The following EYA2 variants were observed in gnomAD, a reference collection of about 807,000 sequenced individuals.
EYA2 encodes the protein EYA transcriptional coactivator and phosphatase 2, also known as protein phosphatase EYA2.
Under a neutral mutation model 69.2 loss-of-function variants are expected in EYA2, and 31 were observed. The ratio of observed to expected loss-of-function variants is 0.45; its 90% CI spans 0.34 to 0.60. The LOEUF (loss-of-function observed/expected upper bound fraction) is 0.60. EYA2 is among the 20% of genes least tolerant of loss of function. The pLI is 0.02. For synonymous variants in EYA2, 257 were observed against 279.4 expected, an observed-to-expected ratio of 0.92 and a Z score of 0.80; for missense variants, 622 against 701.2, an observed-to-expected ratio of 0.89 and a Z score of 1.28.
intron 12 of EYA2, among the ~76,000 whole-genome samples, chr20:47,176,149 G>A (rs914278475): frequency 4.1e-5 from 6 of 145,988 alleles, no homozygotes; most frequent in East Asian, 4.0e-4. Flanking sequence ...GCATGATCTC[G>A]GCTCACTGCA....
chr20:46,948,109 C>CAA (rs72010207), intron 1 of EYA2, among the ~76,000 whole-genome samples: 46,614 of 133,580 alleles, frequency 0.35, 8,808 homozygotes, highest in Non-Finnish European at 0.43. Flanking sequence ...GACCTTGTCT[C>CAA]AAAAAAAAAA....
chr20:47,148,084 A>T (rs1263071944), intron 10 of EYA2, among the ~76,000 whole-genome samples: 1 of 152,008 alleles, frequency 6.6e-6, no homozygotes. Context: ...GAATAAAAAA[A>T]AATGGTCCGG....
chr20:47,126,216 G>A (rs554235356), intron 9 of EYA2, among the ~76,000 whole-genome samples: 165 of 152,310 alleles, frequency 1.1e-3, no homozygotes, highest in Non-Finnish European at 1.4e-3. Context: ...CCTTCCCTTC[G>A]CGTGGCACCT....
chr20:46,976,809 G>A (rs1007809216), intron 1 of EYA2, among the ~76,000 whole-genome samples: 2 of 152,172 alleles, frequency 1.3e-5, no homozygotes, highest in African/African-American at 2.4e-5. Context: ...ACATGCAAAC[G>A]GGTTTTTCAG....
intron 11 of EYA2, among the ~76,000 whole-genome samples, chr20:47,172,241 C>T (rs1342653361): frequency 1.3e-5 from 2 of 151,982 alleles, no homozygotes; most frequent in Non-Finnish European, 2.9e-5. Flanking sequence ...CAAGAACAGC[C>T]CAGGCAACAT....
At chr20:47,172,026 G>A (rs1270375206) in intron 11 of EYA2, among the ~76,000 whole-genome samples, 3 of 151,972 alleles carry the variant, frequency 2.0e-5, no homozygotes, top group Non-Finnish European at 2.9e-5. Flanking sequence ...TTGAACCTGG[G>A]AGGCAGAGGT....
At chr20:47,142,380 G>A (rs761310963) in intron 9 of EYA2, among the ~76,000 whole-genome samples, 4 of 152,230 alleles carry the variant, frequency 2.6e-5, no homozygotes, top group Admixed American at 2.0e-4. Flanking sequence ...AAATTCATAC[G>A]TTATGCTGTG....
At chr20:47,084,482 AG>A (rs2031829327) in intron 7 of EYA2, among the ~76,000 whole-genome samples, 1 of 152,166 alleles carries the variant, frequency 6.6e-6, no homozygotes, top group Non-Finnish European at 1.5e-5. Context: ...TCAACATTGC[AG>A]GGAGCTGTAA....
chr20:47,014,519 G>A (rs151188928), intron 4 of EYA2, among the ~76,000 whole-genome samples: 3 of 152,134 alleles, frequency 2.0e-5, no homozygotes, highest in African/African-American at 7.2e-5. Flanking sequence ...ACAATCTAGG[G>A]AGCACCATTC....
rs762679834 is a variant in EYA2 at position 46,902,336 on chromosome 20, T to A, written c.-11+7349T>A. 5.3e-5 allele frequency among the ~76,000 whole-genome samples: 8 copies of A among 152,272 alleles called. 1 individual carries two copies. Among genetic ancestry groups the A allele is most frequent in the South Asian group, 4.1e-4 (2 of 4,832 alleles). Reference sequence around the variant, plus strand: ...AATCACAGGTTTTATTGAACACTTATTATTTATTGAATATTTATTATGTCC... The same window carrying A: ...AATCACAGGTTTTATTGAACACTTAATATTTATTGAATATTTATTATGTCC... On this transcript the variant is annotated intron_variant, in intron 1 of 15. Coordinates refer to ENST00000327619, the MANE Select transcript of EYA2 (RefSeq NM_005244.5).
intron 4 of EYA2, among the ~76,000 whole-genome samples, chr20:47,014,644 G>A (rs1983294681): frequency 1.3e-5 from 2 of 151,322 alleles, no homozygotes; most frequent in East Asian, 1.9e-4. Flanking sequence ...GTGTGTGTGT[G>A]TGTGTGTGTG....
At chr20:46,927,981 A>T (rs1985490788) in intron 1 of EYA2, among the ~76,000 whole-genome samples, 1 of 152,208 alleles carries the variant, frequency 6.6e-6, no homozygotes, top group Non-Finnish European at 1.5e-5. Flanking sequence ...ATAATAACAG[A>T]TAATACTCAT....
chr20:46,981,007 G>A (rs1980799384), intron 1 of EYA2, among the ~76,000 whole-genome samples: 1 of 152,102 alleles, frequency 6.6e-6, no homozygotes, highest in South Asian at 2.1e-4. Flanking sequence ...TCCATCAATT[G>A]GTGGAGTGCG....
chr20:47,164,178 G>C (rs762199258), intron 10 of EYA2, among the ~76,000 whole-genome samples: 1 of 152,148 alleles, frequency 6.6e-6, no homozygotes, highest in Non-Finnish European at 1.5e-5. Flanking sequence ...CCCCATCCTC[G>C]TGGCCTCTGC....
chr20:47,083,118 G>A (rs919365609), intron 7 of EYA2, among the ~76,000 whole-genome samples: 4 of 151,874 alleles, frequency 2.6e-5, no homozygotes, highest in African/African-American at 9.7e-5. Flanking sequence ...TTCAGCCAGG[G>A]GTTTGAGGAT....
intron 5 of EYA2, among the ~76,000 whole-genome samples, chr20:47,059,397 C>G (rs1320899996): frequency 6.6e-6 from 1 of 152,186 alleles, no homozygotes; most frequent in African/African-American, 2.4e-5. Context: ...CTCTGTCTCC[C>G]AGGCTGGAGT....
chr20:47,185,704 C>G (rs186325869), intron 15 of EYA2, among the ~76,000 whole-genome samples: 1 of 152,208 alleles, frequency 6.6e-6, no homozygotes, highest in East Asian at 1.9e-4. Flanking sequence ...GGTGGGAATG[C>G]TAGGGCAGTG....
intron 9 of EYA2, among the ~76,000 whole-genome samples, chr20:47,100,155 T>C (rs574921874): frequency 6.6e-6 from 1 of 152,302 alleles, no homozygotes; most frequent in East Asian, 1.9e-4. Flanking sequence ...AAACAGAAAT[T>C]TTTAACTGGT....
At chr20:47,124,179 G>T (rs535010073) in intron 9 of EYA2, among the ~76,000 whole-genome samples, 1 of 152,286 alleles carries the variant, frequency 6.6e-6, no homozygotes, top group South Asian at 2.1e-4. Context: ...TGTCAAGCTG[G>T]TGAGGTCCTG....
Sources: allele counts gnomAD v4.1 joint callset (sites outside exome capture counted in the v4.1 genomes callset), GRCh38; gene constraint gnomAD v4.1.1; transcripts MANE v1.5; gene names NCBI Gene and HGNC (gene_info 2026-07-23, HGNC 2026-07-21).